Variants in SEMA3E observed in about 807,000 individuals in gnomAD.
SEMA3E encodes semaphorin 3E.
Under a neutral mutation model 93.6 loss-of-function variants are expected in SEMA3E, and 49 were observed. The ratio of observed to expected loss-of-function variants is 0.52; its 90% confidence interval spans 0.42 to 0.66. The LOEUF is 0.66. Among genes scored for constraint, SEMA3E ranks in the 30% least tolerant of loss-of-function variants. The pLI is 0.00. For synonymous variants in SEMA3E, 363 were observed against 330.7 expected, an observed-to-expected ratio of 1.10 and a Z score of -1.06; for missense variants, 906 against 964.8, an observed-to-expected ratio of 0.94 and a Z score of 0.81.
intron 4 of SEMA3E, among the ~76,000 whole-genome samples, chr7:83,463,043 C>T (rs1010855523): frequency 2.7e-5 from 4 of 148,176 alleles, no homozygotes; most frequent in African/African-American, 9.8e-5. Context: ...CACAGACAGC[C>T]CCCGTTACTT....
intron 1 of SEMA3E, among the ~76,000 whole-genome samples, chr7:83,600,668 A>G (rs957087906): frequency 6.6e-6 from 1 of 151,640 alleles, no homozygotes; most frequent in Non-Finnish European, 1.5e-5. Context: ...TCTTATAAGC[A>G]CGGCAGAATC....
chr7:83,400,015 C>T lies in SEMA3E; in HGVS notation c.1366+13G>A, dbSNP rs1467577319. 6.3e-7 allele frequency: 1 copy of T among 1,580,392 alleles called. No homozygotes were observed. The highest frequency in any genetic ancestry group is 1.3e-5 in the African/African-American group (1 of 74,152). On this transcript the variant is annotated intron_variant, in intron 11 of 16. Transcript: ENST00000643230. ...CAATTTAAATATCTCTGAGTACTTT[C>T]TCGTCTCTTTACCTGTCCCAATAAA...
At position 83,486,723 on chromosome 7, in the gene SEMA3E, T is replaced by C. The variant is rs1790264728; in HGVS notation, c.276+3391A>G. 2.0e-5 allele frequency among the ~76,000 whole-genome samples: 3 copies of C among 152,256 alleles called. No homozygotes were observed. The South Asian group carries it at 6.2e-4, about 32-fold the overall frequency. On this transcript the variant is annotated intron_variant, in intron 2 of 16. Transcript: ENST00000643230. Reference sequence around the variant, plus strand: ...GGTGGGGCTGATGTTACATCAGAGCTAATGAAGCATAACAAGCCTCAGGAC... The same window carrying C: ...GGTGGGGCTGATGTTACATCAGAGCCAATGAAGCATAACAAGCCTCAGGAC...
intron 2 of SEMA3E, among the ~76,000 whole-genome samples, chr7:83,476,474 CAT>C (rs1421505027): frequency 6.6e-6 from 1 of 152,144 alleles, no homozygotes; most frequent in Non-Finnish European, 1.5e-5. Flanking sequence ...AAGTTCAACA[CAT>C]GGGGACCCTC....
intron 1 of SEMA3E, among the ~76,000 whole-genome samples, chr7:83,581,165 G>C (rs1454207670): frequency 6.6e-6 from 1 of 151,958 alleles, no homozygotes; most frequent in Non-Finnish European, 1.5e-5. Context: ...TCTGTCTAGG[G>C]ATACATATCA....
At chr7:83,469,921 C>T (rs1789857631) in intron 2 of SEMA3E, among the ~76,000 whole-genome samples, 1 of 151,936 alleles carries the variant, frequency 6.6e-6, no homozygotes, top group Admixed American at 6.6e-5. Flanking sequence ...CCCAGCCTCC[C>T]GAGTAGCTGG....
chr7:83,617,909 C>A (rs1388154448), intron 1 of SEMA3E, among the ~76,000 whole-genome samples: 1 of 151,946 alleles, frequency 6.6e-6, no homozygotes, highest in Non-Finnish European at 1.5e-5. Flanking sequence ...GTCCATTGCT[C>A]CTAAATAAAA....
chr7:83,397,976 G>T (rs956617996), intron 11 of SEMA3E, among the ~76,000 whole-genome samples: 1 of 152,100 alleles, frequency 6.6e-6, no homozygotes, highest in Non-Finnish European at 1.5e-5. Context: ...AGACTCAAAT[G>T]ATTAATTCGC....
intron 4 of SEMA3E, among the ~76,000 whole-genome samples, chr7:83,436,282 T>C (rs958275840): frequency 1.3e-5 from 2 of 151,426 alleles, no homozygotes; most frequent in African/African-American, 4.9e-5. Context: ...AAAAATGTTG[T>C]CTGATCTAAT....
chr7:83,556,549 T>A (rs1247657186), intron 1 of SEMA3E, among the ~76,000 whole-genome samples: 1 of 152,198 alleles, frequency 6.6e-6, no homozygotes, highest in Non-Finnish European at 1.5e-5. Flanking sequence ...TCAATTTTAA[T>A]GACTATATCT....
chr7:83,638,376 A>C (rs887348301), intron 1 of SEMA3E, among the ~76,000 whole-genome samples: 1 of 152,206 alleles, frequency 6.6e-6, no homozygotes, highest in African/African-American at 2.4e-5. Context: ...TCATTTCTCC[A>C]GGAAAACTTC....
intron 4 of SEMA3E, among the ~76,000 whole-genome samples, chr7:83,433,061 T>C (rs1788924428): frequency 6.6e-6 from 1 of 152,124 alleles, no homozygotes; most frequent in African/African-American, 2.4e-5. Context: ...TGTACATATA[T>C]TGAATTTTTA....
At chr7:83,517,071 C>A (rs1333968025) in intron 1 of SEMA3E, among the ~76,000 whole-genome samples, 1 of 151,996 alleles carries the variant, frequency 6.6e-6, no homozygotes, top group Non-Finnish European at 1.5e-5. Context: ...ATGAAAGAAA[C>A]ACCATGCATC....
At chr7:83,622,482 A>G (rs1052911515) in intron 1 of SEMA3E, among the ~76,000 whole-genome samples, 11 of 152,186 alleles carry the variant, frequency 7.2e-5, no homozygotes, top group African/African-American at 2.7e-4. Flanking sequence ...ATTACTGGAT[A>G]TATACCCAAA....
intron 16 of SEMA3E, among the ~76,000 whole-genome samples, chr7:83,378,149 A>AATT (rs1787694584): frequency 6.7e-6 from 1 of 148,844 alleles, no homozygotes; most frequent in South Asian, 2.1e-4. Flanking sequence ...TATATGTGGA[A>AATT]ATATATATAG....
chr7:83,563,631 C>T (rs1304223022), intron 1 of SEMA3E, among the ~76,000 whole-genome samples: 1 of 152,164 alleles, frequency 6.6e-6, no homozygotes, highest in Non-Finnish European at 1.5e-5. Flanking sequence ...AGGTGAGAGC[C>T]CCTGCTCTTA....
At chr7:83,520,970 G>C (rs1014609384) in intron 1 of SEMA3E, among the ~76,000 whole-genome samples, 2 of 152,162 alleles carry the variant, frequency 1.3e-5, no homozygotes, top group African/African-American at 4.8e-5. Context: ...TGGGGTGACT[G>C]AGATGTCAGC....
chr7:83,570,785 G>A (rs1182407052), intron 1 of SEMA3E, among the ~76,000 whole-genome samples: 1 of 148,140 alleles, frequency 6.8e-6, no homozygotes, highest in Non-Finnish European at 1.5e-5. Flanking sequence ...TAACAATATT[G>A]ATAGACTGGT....
intron 1 of SEMA3E, among the ~76,000 whole-genome samples, chr7:83,501,223 A>G (rs944488586): frequency 2.0e-5 from 3 of 152,190 alleles, no homozygotes; most frequent in Non-Finnish European, 2.9e-5. Flanking sequence ...CATTCGTTCA[A>G]TCTGCACCAC....
Sources: gnomAD v4.1 joint callset for allele counts (sites outside exome capture counted in the v4.1 genomes callset) on GRCh38, gnomAD v4.1.1 for gene constraint, MANE v1.5 for transcripts, NCBI Gene and HGNC (gene_info 2026-07-23, HGNC 2026-07-21) for gene names.